SP1: variants seen among roughly 807,000 people sequenced by gnomAD.
SP1 encodes the protein Sp1 transcription factor.
A neutral mutation model predicts 66.3 loss-of-function variants in SP1; 6 were observed. The ratio of observed to expected loss-of-function variants is 0.09; its 90% CI spans 0.05 to 0.18. SP1 has a LOEUF of 0.18. SP1 is among the 10% of genes least tolerant of loss of function. SP1 has a pLI of 1.00. For synonymous variants in SP1, 417 were observed against 360.8 expected (o/e 1.16, Z -1.77); for missense variants, 848 against 964.5 (o/e 0.88, Z 1.60).
intron 3 of SP1, among the ~76,000 whole-genome samples, chr12:53,394,562 T>C (rs576440393): frequency 4.0e-5 from 6 of 148,404 alleles, no homozygotes; most frequent in Admixed American, 6.7e-5. Context: ...GCCACTGTGC[T>C]GCGTGGTCTT....
At chr12:53,391,576 G>C (rs561801313) in intron 3 of SP1, among the ~76,000 whole-genome samples, 1 of 152,110 alleles carries the variant, frequency 6.6e-6, no homozygotes, top group South Asian at 2.1e-4. Context: ...ACCCGCCTCG[G>C]CCTCCCAAAG....
chr12:53,399,372 C>T (rs556701958), intron 3 of SP1, among the ~76,000 whole-genome samples: 197 of 151,902 alleles, frequency 1.3e-3, no homozygotes, highest in African/African-American at 4.4e-3. Context: ...CTCGCTCTGT[C>T]GCCCAGGCTG....
At chr12:53,396,807 T>C (rs917733085) in intron 3 of SP1, among the ~76,000 whole-genome samples, 7 of 152,018 alleles carry the variant, frequency 4.6e-5, no homozygotes, top group African/African-American at 1.7e-4. Flanking sequence ...TTTATTAAAA[T>C]ACAATTTTTT....
Position 53,382,358 on chromosome 12 carries a change from C to A in SP1, c.411C>A (p.Ser137=). The change falls in exon 3 of 6, where the codon TCC becomes TCA. Residue 137 remains serine (S), a synonymous_variant. Coordinates refer to ENST00000327443, the MANE Select transcript of SP1 (RefSeq NM_138473.3). ...STNGSNGSES[S]KNRTVSGGQY... ...ATGGCAGCAATGGCAGTGAGTCTTC[C>A]AAGAATCGCACAGTCTCTGGTGGGC... The A allele has an allele frequency of 1.2e-6, 2 of 1,614,226 alleles. No homozygotes were observed. The highest frequency in any genetic ancestry group is 1.7e-6 in the Non-Finnish European group (2 of 1,180,042).
At chr12:53,388,522 C>G (rs1430984493) in intron 3 of SP1, among the ~76,000 whole-genome samples, 1 of 152,102 alleles carries the variant, frequency 6.6e-6, no homozygotes, top group Non-Finnish European at 1.5e-5. Context: ...TTGTTTGCTT[C>G]ATTAATAGGG....
intron 3 of SP1, 81 bp downstream of exon 3, chr12:53,383,703 A>G: frequency 8.9e-7 from 1 of 1,129,500 alleles, no homozygotes; most frequent in Admixed American, 2.3e-5. Flanking sequence ...AAAGGAATAG[A>G]GCCTTTTGAG....
At chr12:53,409,640 A>C (rs1938833732) in intron 5 of SP1, 79 bp downstream of exon 5, 1 of 1,174,366 alleles carries the variant, frequency 8.5e-7, no homozygotes, top group Non-Finnish European at 1.2e-6. Context: ...AAATAACTAA[A>C]ATTTCTGAGC....
chr12:53,390,130 T>C (rs1938315105), intron 3 of SP1, among the ~76,000 whole-genome samples: 1 of 152,224 alleles, frequency 6.6e-6, no homozygotes, highest in South Asian at 2.1e-4. Context: ...ATGATTTAAA[T>C]GTCTTACCAG....
chr12:53,386,176 G>T (rs945179928), intron 3 of SP1, among the ~76,000 whole-genome samples: 1 of 151,998 alleles, frequency 6.6e-6, no homozygotes, highest in African/African-American at 2.4e-5. Flanking sequence ...TAACATATGA[G>T]CATCCTAGGT....
chr12:53,407,623 C>CA (rs1382829059), intron 4 of SP1, among the ~76,000 whole-genome samples: 3 of 143,574 alleles, frequency 2.1e-5, no homozygotes, highest in Non-Finnish European at 4.6e-5. Flanking sequence ...TGCACCTGGC[C>CA]AAAAAAATTT....
chr12:53,387,572 A>G (rs757742143), intron 3 of SP1, among the ~76,000 whole-genome samples: 2 of 152,198 alleles, frequency 1.3e-5, no homozygotes, highest in Non-Finnish European at 2.9e-5. Flanking sequence ...TATTTTCTAG[A>G]TGAGGAAATT....
At chr12:53,408,884 C>T (rs1181617076) in intron 4 of SP1, among the ~76,000 whole-genome samples, 11 of 150,056 alleles carry the variant, frequency 7.3e-5, no homozygotes, top group Admixed American at 5.3e-4. Context: ...CCAGCCTGGG[C>T]GACAGAGCGA....
Position 53,380,309 on chromosome 12 carries a change from G to A in SP1, c.7+11G>A, listed in dbSNP as rs1938052115. On this transcript the variant is annotated intron_variant, in intron 1 of 5. Coordinates refer to ENST00000327443, the MANE Select transcript of SP1 (RefSeq NM_138473.3). ...CTGCCACCATGAGCGGTAAGGATGA[G>A]TCCACTCCAAGCTTAGGGGTGGGAG... The A allele has an allele frequency of 6.3e-7, 1 of 1,588,062 alleles. No homozygotes were observed. Among genetic ancestry groups the A allele is most frequent in the Non-Finnish European group, 8.6e-7 (1 of 1,166,250 alleles).
At chr12:53,396,425 G>C (rs181741032) in intron 3 of SP1, among the ~76,000 whole-genome samples, 1 of 151,820 alleles carries the variant, frequency 6.6e-6, no homozygotes, top group Admixed American at 6.6e-5. Flanking sequence ...AAAATTACCC[G>C]GGCATGGTGA....
rs1367685568 is a variant in SP1 at position 53,413,479 on chromosome 12, C to G, written c.*2239C>G. 6.6e-6 allele frequency: 1 copy of G among 152,590 alleles called. No individual in the cohort carries two copies. Among genetic ancestry groups the G allele is most frequent in the Non-Finnish European group, 1.5e-5 (1 of 68,034 alleles). 9.5% of individuals were successfully genotyped at this position (152,590 alleles called of 1,614,324 possible). A position where few individuals can be genotyped will look rare whatever the true frequency, so the allele number is the denominator to read the frequency against. ...ATCTGAACTATAGTAACTTAATACT[C>G]TAAACAATAGTTCACTCCATTTGGT... On this transcript the variant is annotated 3_prime_UTR_variant, in exon 6 of 6. Transcript: ENST00000327443.
chr12:53,406,778 A>G, intron 4 of SP1, 25 bp downstream of exon 4: 2 of 1,578,934 alleles, frequency 1.3e-6, no homozygotes, highest in Admixed American at 3.8e-5. Context: ...CCAGTTTCTT[A>G]CAAATATAAA....
chr12:53,408,901 G>T (rs563719965), intron 4 of SP1, among the ~76,000 whole-genome samples: 1 of 143,790 alleles, frequency 7.0e-6, no homozygotes, highest in South Asian at 2.3e-4. Flanking sequence ...GCGAGACTCC[G>T]TCTCAAAACA....
chr12:53,380,736 TCCCCCCCGCCCCCCA>T (rs1296413735), intron 1 of SP1: 23 of 680,066 alleles, frequency 3.4e-5, no homozygotes, highest in Non-Finnish European at 3.8e-5. Flanking sequence ...AGATTTCCCT[TCCCCCCCGCCCCCCA>T]CCGTCCCGCC....
intron 4 of SP1, among the ~76,000 whole-genome samples, chr12:53,408,103 C>T (rs1228351466): frequency 6.2e-5 from 9 of 144,604 alleles, no homozygotes; most frequent in Non-Finnish European, 9.2e-5. Flanking sequence ...AAAAATTAAC[C>T]GGCGTGGTGT....
Sources: allele counts gnomAD v4.1 joint callset (sites outside exome capture counted in the v4.1 genomes callset), GRCh38; gene constraint gnomAD v4.1.1; transcripts MANE v1.5; gene names NCBI Gene and HGNC (gene_info 2026-07-23, HGNC 2026-07-21).